CACNA1D: variants seen among roughly 807,000 people sequenced by gnomAD.
The protein encoded by CACNA1D is voltage-dependent L-type calcium channel subunit alpha-1D.
Under a neutral mutation model 257.1 loss-of-function variants are expected in CACNA1D, and 55 were observed. That is an observed-to-expected ratio of 0.21 (90% CI 0.17 to 0.27). The LOEUF (loss-of-function observed/expected upper bound fraction) is 0.27. CACNA1D is among the 10% of genes least tolerant of loss of function. The probability of loss-of-function intolerance (pLI) is 1.00; values close to 1 mark genes in which losing one functional copy is unlikely to be tolerated. For missense variants in CACNA1D, 1,876 were observed against 2,784.0 expected (o/e 0.67, Z 7.34); for synonymous variants, 980 against 1,014.9 (o/e 0.97, Z 0.65).
intron 3 of CACNA1D, among the ~76,000 whole-genome samples, chr3:53,633,687 G>T (rs114520692): frequency 2.5e-4 from 38 of 152,252 alleles, no homozygotes; most frequent in Non-Finnish European, 5.0e-4. Context: ...TATAGTGTTG[G>T]CTCCACAGAC....
rs139579012 is a variant in CACNA1D at position 53,694,577 on chromosome 3, G to A, written c.1221-8064G>A. Among the ~76,000 whole-genome samples the A allele has an allele frequency of 7.2e-5, 11 of 152,320 alleles. No homozygotes were observed. The East Asian group carries it at 1.7e-3, about 24-fold the overall frequency. On this transcript the variant is annotated intron_variant, in intron 8 of 47. Transcript: ENST00000350061. ...AGCAACAATGCCTCGTTGAGCCTCCGTGTTGGCCTTTGTGAAATGGATGTG... is the reference window on the plus strand; with the variant it reads ...AGCAACAATGCCTCGTTGAGCCTCCATGTTGGCCTTTGTGAAATGGATGTG...
intron 9 of CACNA1D, among the ~76,000 whole-genome samples, chr3:53,713,167 A>C (rs1576433049): frequency 6.6e-6 from 1 of 152,002 alleles, no homozygotes; most frequent in East Asian, 1.9e-4. Context: ...TGCAAGGGAA[A>C]CCCCCTGGTT....
At chr3:53,806,221 C>A (rs1166944321) in intron 45 of CACNA1D, among the ~76,000 whole-genome samples, 1 of 147,944 alleles carries the variant, frequency 6.8e-6, no homozygotes, top group South Asian at 2.2e-4. Flanking sequence ...CCCTCCTCCC[C>A]CTTCCTCTCC....
chr3:53,521,517 C>T (rs1333625390), intron 3 of CACNA1D, among the ~76,000 whole-genome samples: 1 of 152,184 alleles, frequency 6.6e-6, no homozygotes, highest in African/African-American at 2.4e-5. Flanking sequence ...TTCTGAGGGT[C>T]ACAGACCCAC....
intron 3 of CACNA1D, among the ~76,000 whole-genome samples, chr3:53,522,735 T>C (rs972244863): frequency 6.6e-6 from 1 of 152,196 alleles, no homozygotes; most frequent in Non-Finnish European, 1.5e-5. Flanking sequence ...TCATAGTGGG[T>C]AATTAGGGTA....
intron 28 of CACNA1D, 99 bp from the exon 29 acceptor site, chr3:53,753,473 G>T: frequency 1.2e-6 from 1 of 835,362 alleles, no homozygotes. Flanking sequence ...GGGCTGTGGA[G>T]GATGCCCACA....
rs2095393980 is a variant in CACNA1D, at chr3:53,775,804, T to G, written c.4203-82T>G. The G allele has an allele frequency of 3.0e-6, 4 of 1,331,704 alleles. No individual in the cohort carries two copies. In the Admixed American group the frequency reaches 6.7e-5, roughly 22 times the overall value. 82.5% of individuals were successfully genotyped at this position (1,331,704 alleles called of 1,614,324 possible). A position where few individuals can be genotyped will look rare whatever the true frequency, so the allele number is the denominator to read the frequency against. On this transcript the variant is annotated intron_variant, in intron 34 of 47. Coordinates refer to ENST00000350061, the MANE Select transcript of CACNA1D (RefSeq NM_001128840.3). ...CAAATGACTTAGGTTTTGCTCTAAT[T>G]ATGAGTTTTTCTCCCCTAAGATCTA...
At chr3:53,661,600 C>T (rs763638700) in intron 5 of CACNA1D, among the ~76,000 whole-genome samples, 45 of 152,196 alleles carry the variant, frequency 3.0e-4, no homozygotes, top group Non-Finnish European at 2.1e-4. Flanking sequence ...AAAGTAACCA[C>T]GACAGCTTTT....
At chr3:53,672,346 T>TA (rs2108405718) in intron 7 of CACNA1D, among the ~76,000 whole-genome samples, 1 of 152,366 alleles carries the variant, frequency 6.6e-6, no homozygotes, top group Admixed American at 6.5e-5. Flanking sequence ...TTGTGTCAGC[T>TA]AGTTGACCTT....
chr3:53,805,724 C>CCCT (rs1291596437), intron 45 of CACNA1D, among the ~76,000 whole-genome samples: 1 of 139,764 alleles, frequency 7.2e-6, no homozygotes, highest in African/African-American at 2.8e-5. Flanking sequence ...TCCTCCTCCT[C>CCCT]CATCTTCCCT....
chr3:53,672,595 A>G (rs943223268), intron 7 of CACNA1D, among the ~76,000 whole-genome samples: 2 of 152,234 alleles, frequency 1.3e-5, no homozygotes, highest in African/African-American at 2.4e-5. Context: ...CTTGGGCAGC[A>G]TAGAAAATAG....
intron 3 of CACNA1D, among the ~76,000 whole-genome samples, chr3:53,598,652 A>G (rs72970738): frequency 0.018 from 2,680 of 152,144 alleles, 81 homozygotes; most frequent in African/African-American, 0.061. Context: ...TGAAACTGCC[A>G]TTCCCTTTAG....
chr3:53,734,016 G>GTGTATATATATA (rs1412072447), intron 19 of CACNA1D, among the ~76,000 whole-genome samples: 7 of 131,692 alleles, frequency 5.3e-5, no homozygotes, highest in African/African-American at 1.8e-4. Context: ...ATATGTGTGT[G>GTGTATATATATA]TATATATATA....
At position 53,808,679 on chromosome 3, in the gene CACNA1D, G is replaced by T; in HGVS notation, c.5780G>T (p.Cys1927Phe). Residue 1927 changes from cysteine (C) to phenylalanine (F), a missense_variant, in exon 46 of 48, where the codon TGC (cysteine) becomes TTC (phenylalanine). By Grantham distance (205) the Cys-to-Phe change is radical (BLOSUM62 -2). Transcript: ENST00000350061. ...SHRRSSFNFECLRRQSSQEEV... is the reference protein window; with the variant it reads ...SHRRSSFNFEFLRRQSSQEEV... Reference sequence around the variant, plus strand: ...CGGAGATCCTCCTTCAACTTTGAGTGCCTGCGCCGGCAGAGCAGCCAGGAA... The same window carrying T: ...CGGAGATCCTCCTTCAACTTTGAGTTCCTGCGCCGGCAGAGCAGCCAGGAA... The T allele has an allele frequency of 6.2e-7, 1 of 1,609,290 alleles. No homozygotes were observed.
In CACNA1D at chr3:53,723,849, C is replaced by T. The variant is rs139269186; in HGVS notation, c.1950C>T (p.Ile650=). Residue 650 remains isoleucine, a synonymous_variant, in exon 14 of 48, where the codon ATC becomes ATT. Coordinates refer to ENST00000350061, the MANE Select transcript of CACNA1D (RefSeq NM_001128840.3). The surrounding 1 kb of genome is among the most constrained non-coding windows in gnomAD (Gnocchi z 5.6). ...VASLLNSMKS[I]ASLLLLLFLF... ...CCTTATTAAACTCCATGAAGTCCATCGCTTCGCTGTTGCTTCTGCTTTTTC... is the reference window on the plus strand; with the variant it reads ...CCTTATTAAACTCCATGAAGTCCATTGCTTCGCTGTTGCTTCTGCTTTTTC... 1.6e-5 allele frequency: 26 copies of T among 1,614,048 alleles called. No homozygotes were observed. The highest frequency in any genetic ancestry group is 1.6e-5 in the Non-Finnish European group (19 of 1,180,000).
At chr3:53,582,285 G>C (rs2093145392) in intron 3 of CACNA1D, among the ~76,000 whole-genome samples, 1 of 152,104 alleles carries the variant, frequency 6.6e-6, no homozygotes, top group Admixed American at 6.5e-5. Context: ...CTATACTGTG[G>C]AAGATTCAGC....
intron 9 of CACNA1D, among the ~76,000 whole-genome samples, chr3:53,710,124 C>A (rs544598676): frequency 3.9e-5 from 6 of 152,312 alleles, no homozygotes; most frequent in African/African-American, 1.4e-4. Context: ...GGAAGCCAAA[C>A]CCTGGAAACC....
At chr3:53,523,877 G>A (rs1209003891) in intron 3 of CACNA1D, among the ~76,000 whole-genome samples, 1 of 152,188 alleles carries the variant, frequency 6.6e-6, no homozygotes, top group Non-Finnish European at 1.5e-5. Context: ...TGTTATTTTT[G>A]AGGTCAGCCT....
At chr3:53,718,584 C>A (rs936564114) in intron 10 of CACNA1D, 196 bp downstream of exon 10, 2 of 690,540 alleles carry the variant, frequency 2.9e-6, no homozygotes, top group African/African-American at 1.8e-5. Flanking sequence ...CACCCCCCGC[C>A]CCCCCGCCCC....
Sources: gnomAD v4.1 joint callset for allele counts (sites outside exome capture counted in the v4.1 genomes callset) on GRCh38, gnomAD v4.1.1 for gene constraint, Gnocchi (gnomAD v3.1) non-coding constraint, MANE v1.5 for transcripts, NCBI Gene and HGNC (gene_info 2026-07-23, HGNC 2026-07-21) for gene names.